TEAD1: variants seen among roughly 807,000 people sequenced by gnomAD.
TEAD1 encodes the protein TEA domain transcription factor 1, also known as transcriptional enhancer factor TEF-1.
Under a neutral mutation model 54.9 loss-of-function variants are expected in TEAD1, and 9 were observed. The observed-to-expected ratio is 0.16, with a 90% CI of 0.10 to 0.29. The LOEUF is 0.29. Ranked by LOEUF, TEAD1 falls within the 10% of genes least tolerant of loss-of-function variation. The pLI, the probability that TEAD1 is intolerant of heterozygous loss-of-function variation, is 1.00. For missense variants in TEAD1, 387 were observed against 535.9 expected (o/e 0.72, Z 2.74); for synonymous variants, 200 against 187.8 (o/e 1.07, Z -0.53).
chr11:12,878,496 A>T (rs570970101), intron 5 of TEAD1, among the ~76,000 whole-genome samples: 1 of 152,030 alleles, frequency 6.6e-6, no homozygotes, highest in African/African-American at 2.4e-5. Flanking sequence ...TAGACCCTCT[A>T]TTGGCACCGG....
intron 11 of TEAD1, among the ~76,000 whole-genome samples, chr11:12,929,163 CGTGTGTGTGT>C (rs60060462): frequency 2.8e-4 from 30 of 106,726 alleles, no homozygotes; most frequent in Non-Finnish European, 3.9e-4. Context: ...TTTGCTTTGC[CGTGTGTGTGT>C]GTGTGTGTGT....
At chr11:12,819,042 G>C (rs1200271223) in intron 3 of TEAD1, among the ~76,000 whole-genome samples, 2 of 152,130 alleles carry the variant, frequency 1.3e-5, no homozygotes, top group Non-Finnish European at 2.9e-5. Context: ...GAGATCTATA[G>C]GAATTTGAAT....
chr11:12,873,758 G>A (rs1947800847), intron 5 of TEAD1, among the ~76,000 whole-genome samples: 1 of 152,158 alleles, frequency 6.6e-6, no homozygotes, highest in African/African-American at 2.4e-5. Context: ...CCATAATATA[G>A]TTCTGTGATG....
At chr11:12,769,110 T>G (rs1945265564) in intron 3 of TEAD1, among the ~76,000 whole-genome samples, 1 of 152,100 alleles carries the variant, frequency 6.6e-6, no homozygotes, top group South Asian at 2.1e-4. Flanking sequence ...TTTCTCCTTT[T>G]GCAAGCAGAT....
intron 2 of TEAD1, among the ~76,000 whole-genome samples, chr11:12,758,295 C>T (rs1450669609): frequency 6.7e-6 from 1 of 150,132 alleles, no homozygotes; most frequent in African/African-American, 2.5e-5. Flanking sequence ...GGCTGGAGTG[C>T]AGTGGCACAA....
At chr11:12,693,075 G>A (rs1461191515) in intron 2 of TEAD1, among the ~76,000 whole-genome samples, 2 of 152,232 alleles carry the variant, frequency 1.3e-5, no homozygotes, top group African/African-American at 4.8e-5. Context: ...AATGAGGGAG[G>A]CTTTAAAAGT....
chr11:12,683,181 G>C (rs1943259946), intron 2 of TEAD1, among the ~76,000 whole-genome samples: 1 of 152,174 alleles, frequency 6.6e-6, no homozygotes, highest in Admixed American at 6.5e-5. Context: ...AGAGTAAAAA[G>C]TTTCAATATG....
chr11:12,936,002 CAG>C (rs1478373291), intron 12 of TEAD1, among the ~76,000 whole-genome samples: 1 of 152,116 alleles, frequency 6.6e-6, no homozygotes, highest in Admixed American at 6.6e-5. Context: ...GGAAACTAAA[CAG>C]GGGAAACAGC....
chr11:12,858,360 A>G (rs1027312752), intron 3 of TEAD1, among the ~76,000 whole-genome samples: 8 of 152,224 alleles, frequency 5.3e-5, no homozygotes, highest in African/African-American at 1.9e-4. Context: ...TAAAGGATTT[A>G]TGTATATTTG....
At chr11:12,701,878 A>G (rs1182504563) in intron 2 of TEAD1, among the ~76,000 whole-genome samples, 1 of 152,220 alleles carries the variant, frequency 6.6e-6, no homozygotes, top group Non-Finnish European at 1.5e-5. Context: ...TGGGCATAAA[A>G]AAGATGACTT....
At chr11:12,851,803 G>GA (rs796812154) in intron 3 of TEAD1, among the ~76,000 whole-genome samples, 5,867 of 142,818 alleles carry the variant, frequency 0.041, 340 homozygotes, top group African/African-American at 0.13. Context: ...CCAAAAAAAG[G>GA]AAAAAAAAAA....
chr11:12,681,036 T>G (rs1333523631), intron 2 of TEAD1, among the ~76,000 whole-genome samples: 1 of 152,192 alleles, frequency 6.6e-6, no homozygotes, highest in Non-Finnish European at 1.5e-5. Context: ...TTTGGTGGAA[T>G]CTCTTTCAAT....
chr11:12,769,657 G>A (rs1042942162), intron 3 of TEAD1, among the ~76,000 whole-genome samples: 1 of 152,148 alleles, frequency 6.6e-6, no homozygotes, highest in African/African-American at 2.4e-5. Flanking sequence ...CCAGGCCTTG[G>A]CAAAGTGTTC....
intron 2 of TEAD1, among the ~76,000 whole-genome samples, chr11:12,699,649 A>G (rs928210976): frequency 6.6e-6 from 1 of 152,214 alleles, no homozygotes; most frequent in Non-Finnish European, 1.5e-5. Context: ...TCACTAGATT[A>G]TAAGCCTCAC....
intron 2 of TEAD1, among the ~76,000 whole-genome samples, chr11:12,684,979 G>T (rs907419119): frequency 6.6e-6 from 1 of 152,194 alleles, no homozygotes; most frequent in Non-Finnish European, 1.5e-5. Flanking sequence ...GCTGGTGATA[G>T]AACCTTGTGT....
At chr11:12,698,796 G>A (rs751428977) in intron 2 of TEAD1, among the ~76,000 whole-genome samples, 10 of 152,260 alleles carry the variant, frequency 6.6e-5, no homozygotes, top group South Asian at 2.1e-4. Context: ...TAGGGCATGC[G>A]CATTAAGTTT....
At chr11:12,774,046 G>A (rs569292666) in intron 3 of TEAD1, among the ~76,000 whole-genome samples, 1 of 152,306 alleles carries the variant, frequency 6.6e-6, no homozygotes, top group East Asian at 1.9e-4. Context: ...TGGCTTGGTC[G>A]TAGGAGTCTA....
intron 3 of TEAD1, among the ~76,000 whole-genome samples, chr11:12,783,362 G>A (rs531343215): frequency 4.0e-4 from 61 of 152,194 alleles, no homozygotes; most frequent in Admixed American, 1.6e-3. Flanking sequence ...GTTAGTTCTG[G>A]TAAAAGCTTT....
intron 9 of TEAD1, among the ~76,000 whole-genome samples, chr11:12,886,287 CTG>C (rs1455368147): frequency 6.6e-6 from 1 of 152,156 alleles, no homozygotes; most frequent in African/African-American, 2.4e-5. Context: ...AATGGGTAAA[CTG>C]GATCTGGCCT....
Sources: allele counts gnomAD v4.1 joint callset (sites outside exome capture counted in the v4.1 genomes callset), GRCh38; gene constraint gnomAD v4.1.1; transcripts MANE v1.5; gene names NCBI Gene and HGNC (gene_info 2026-07-23, HGNC 2026-07-21).